The following TEAD3 variants were observed in gnomAD, a reference collection of about 807,000 sequenced individuals.
TEAD3 encodes TEA domain transcription factor 3.
A neutral mutation model predicts 55.6 loss-of-function variants in TEAD3; 15 were observed. That is an observed-to-expected ratio of 0.27 (90% CI 0.18 to 0.42). TEAD3 has a LOEUF of 0.42. TEAD3 is among the 10% of genes least tolerant of loss of function. The probability of loss-of-function intolerance (pLI) is 1.00; values close to 1 mark genes in which losing one functional copy is unlikely to be tolerated. For synonymous variants in TEAD3, 210 were observed against 232.2 expected (o/e 0.90, Z 0.87); for missense variants, 407 against 576.8 (o/e 0.71, Z 3.01).
rs1228751469 is a variant in TEAD3, at chr6:35,479,412, A to G, written c.331-96T>C. 2.0e-6 allele frequency: 3 copies of G among 1,499,696 alleles called. No individual in the cohort carries two copies. In the African/African-American group the frequency reaches 4.1e-5, roughly 21 times the overall value. The allele number at this position is 1,499,696 out of a possible 1,614,324, so 92.9% of individuals were successfully genotyped here. On this transcript the variant is annotated intron_variant, in intron 4 of 12. Coordinates refer to ENST00000639578, the Ensembl canonical transcript of TEAD3. Reference sequence around the variant, plus strand: ...TTGCGCCTACCTCCACCCAGTGCCCATGGGTTTTAGCTTCCGAGGAGCCCA... The same window carrying G: ...TTGCGCCTACCTCCACCCAGTGCCCGTGGGTTTTAGCTTCCGAGGAGCCCA...
At chr6:35,474,864 T>C, downstream of TEAD3, 1 of 580,402 alleles carries the variant, frequency 1.7e-6, no homozygotes, top group Non-Finnish European at 3.0e-6. Context: ...TCTCCCACAA[T>C]TAAAGCGCAG....
rs1417949408 is a variant in TEAD3 at position 35,491,879 on chromosome 6, G to A, written c.-50+5019C>T. On this transcript the variant is annotated intron_variant, in intron 1 of 12. Coordinates refer to ENST00000639578, the Ensembl canonical transcript of TEAD3. This position sits in a 1 kb window ranked among gnomAD's most constrained non-coding sequence, Gnocchi z 4.4. The stretch of plus-strand genomic sequence containing the variant: ...GAAGAACTGGCTGGACAGCTCCAGG[G>A]ATCAGGCTGGAGCTGGGGCCGCTGC... Among the ~76,000 whole-genome samples, 2 of 152,296 alleles carry A rather than the reference G, an allele frequency of 1.3e-5. No individual in the cohort carries two copies. The highest frequency in any genetic ancestry group is 2.1e-4 in the South Asian group (1 of 4,830).
intron 1 of TEAD3, among the ~76,000 whole-genome samples, chr6:35,489,919 G>A (rs1484295341): frequency 6.6e-6 from 1 of 151,996 alleles, no homozygotes; most frequent in Non-Finnish European, 1.5e-5. Flanking sequence ...AAAAATTAAG[G>A]GGACAGGGGT....
intron 8 of TEAD3, 148 bp from the exon 9 acceptor site, chr6:35,476,583 A>T: frequency 1.1e-6 from 1 of 927,668 alleles, no homozygotes; most frequent in Non-Finnish European, 1.6e-6. Flanking sequence ...ACAGTGTACA[A>T]CCTGCACAAC....
chr6:35,490,474 A>T (rs1367569684), intron 1 of TEAD3, among the ~76,000 whole-genome samples: 2 of 152,166 alleles, frequency 1.3e-5, no homozygotes, highest in East Asian at 3.9e-4. Flanking sequence ...GCACCAACAC[A>T]GGGGCAAGTG....
chr6:35,477,809 G>A (rs976629044), intron 7 of TEAD3, among the ~76,000 whole-genome samples: 4 of 151,906 alleles, frequency 2.6e-5, no homozygotes, highest in East Asian at 1.9e-4. Context: ...AACAGCCAGC[G>A]CATCAGCTGT....
chr6:35,493,046 CTCA>C (rs1366819028), intron 1 of TEAD3, among the ~76,000 whole-genome samples: 7 of 152,148 alleles, frequency 4.6e-5, no homozygotes, highest in Admixed American at 3.9e-4. Flanking sequence ...AGTCAGTGCC[CTCA>C]TGAGAGTCAC....
intron 3 of TEAD3, chr6:35,480,323 C>T (rs1768241234): frequency 1.2e-6 from 2 of 1,613,740 alleles, no homozygotes; most frequent in Non-Finnish European, 1.7e-6. Flanking sequence ...TTGATGCCAA[C>T]CTGGTACTCC....
At chr6:35,492,826 C>T (rs1768556387) in intron 1 of TEAD3, among the ~76,000 whole-genome samples, 1 of 152,118 alleles carries the variant, frequency 6.6e-6, no homozygotes, top group African/African-American at 2.4e-5. Flanking sequence ...CCCTCAAGTC[C>T]CCTGTAGAGA....
At chr6:35,477,719 G>GACTGCCTCAGAA (rs1768180254) in intron 7 of TEAD3, among the ~76,000 whole-genome samples, 1 of 150,586 alleles carries the variant, frequency 6.6e-6, no homozygotes, top group African/African-American at 2.4e-5. Context: ...TTAACTGAGA[G>GACTGCCTCAGAA]ACTGCCTCAG....
chr6:35,474,648 C>T (rs998943860), downstream of TEAD3: 3 of 199,074 alleles, frequency 1.5e-5, no homozygotes, highest in Non-Finnish European at 3.1e-5. Context: ...CCTCTGCTCA[C>T]TGACTCCCTT....
chr6:35,491,897 G>A lies in TEAD3; in HGVS notation c.-50+5001C>T, dbSNP rs1410617922. Among the ~76,000 whole-genome samples, 2 of 152,190 alleles carry A rather than the reference G, an allele frequency of 1.3e-5. No individual in the cohort carries two copies. Among genetic ancestry groups the A allele is most frequent in the Non-Finnish European group, 2.9e-5 (2 of 68,006 alleles). On this transcript the variant is annotated intron_variant, in intron 1 of 12. Transcript: ENST00000639578. The surrounding 1 kb of genome is among the most constrained non-coding windows in gnomAD (Gnocchi z 4.4). ...CTCCAGGGATCAGGCTGGAGCTGGG[G>A]CCGCTGCAGAGGCCCTGGTCCCCCA...
chr6:35,484,681 GA>G lies in TEAD3; in HGVS notation c.203-58del. ...GGGCAAAGGGTGGAGCCAGAGGCTG[GA>G]GGCCCCCACCCCACCGGGAAGCCAC... On this transcript the variant is annotated intron_variant, in intron 2 of 12. Coordinates refer to ENST00000639578, the Ensembl canonical transcript of TEAD3. This position sits in a 1 kb window ranked among gnomAD's most constrained non-coding sequence, Gnocchi z 5.8. 2.7e-6 allele frequency: 4 copies of G among 1,502,284 alleles called. No individual in the cohort carries two copies. The highest frequency in any genetic ancestry group is 3.6e-6 in the Non-Finnish European group (4 of 1,101,436). 93.1% of individuals were successfully genotyped at this position (1,502,284 alleles called of 1,614,324 possible). A position where few individuals can be genotyped will look rare whatever the true frequency, so the allele number is the denominator to read the frequency against.
At position 35,478,881 on chromosome 6, in the gene TEAD3, T is replaced by C. The variant is rs968568507; in HGVS notation, c.343-310A>G. Among the ~76,000 whole-genome samples, 18 of 147,014 alleles carry C rather than the reference T, an allele frequency of 1.2e-4. No individual in the cohort carries two copies. The East Asian group carries it at 2.6e-3, about 21-fold the overall frequency. On this transcript the variant is annotated intron_variant, in intron 5 of 12. Transcript: ENST00000639578. ...TGTCATGTACTCTCCTATTTTCTTT[T>C]TTTTTTTTTTTTTTTTGAGACGGAG... is the stretch of plus-strand genomic sequence containing the variant.
Position 35,486,814 on chromosome 6 carries a change from CCCA to C in TEAD3, c.-49-106_-49-104del. ...CTGGAGCTCCGCCCCCAGCCCCAAG[CCCA>C]CCCTAGGAGCAGGTGCTCCAGGTGG... On this transcript the variant is annotated intron_variant, in intron 1 of 12. Transcript: ENST00000639578. This position sits in a 1 kb window ranked among gnomAD's most constrained non-coding sequence, Gnocchi z 7.3. 2.5e-6 allele frequency: 2 copies of C among 786,818 alleles called. No homozygotes were observed. The highest frequency in any genetic ancestry group is 4.0e-6 in the Non-Finnish European group (2 of 504,752). The allele number at this position is 786,818 out of a possible 1,614,324, so 48.7% of individuals were successfully genotyped here. A position where few individuals can be genotyped will look rare whatever the true frequency, so the allele number is the denominator to read the frequency against.
intron 1 of TEAD3, among the ~76,000 whole-genome samples, chr6:35,487,425 A>G (rs1045083015): frequency 1.3e-5 from 2 of 151,964 alleles, no homozygotes; most frequent in African/African-American, 4.8e-5. Flanking sequence ...GGTGGCACGC[A>G]CTTGTAATCC....
In TEAD3 at chr6:35,496,377, C is replaced by T. The variant is rs1162963825; in HGVS notation, c.-50+521G>A. ...CGGCTTTGGTCCCAGACACCCTCCA[C>T]AACCCAGCGCAGCCGCGGCACCGCG... On this transcript the variant is annotated intron_variant, in intron 1 of 12. Transcript: ENST00000639578. The surrounding 1 kb of genome is among the most constrained non-coding windows in gnomAD (Gnocchi z 4.8). Among the ~76,000 whole-genome samples the T allele has an allele frequency of 5.3e-5, 8 of 152,082 alleles. No individual in the cohort carries two copies. The highest frequency in any genetic ancestry group is 1.2e-4 in the Non-Finnish European group (8 of 67,990).
chr6:35,493,891 C>G (rs1768586887), intron 1 of TEAD3, among the ~76,000 whole-genome samples: 1 of 152,242 alleles, frequency 6.6e-6, no homozygotes, highest in African/African-American at 2.4e-5. Flanking sequence ...GGCTAGGCAG[C>G]CAGCTTCCTT....
exon 10 of TEAD3, chr6:35,476,092 A>G (rs527880382): frequency 6.5e-7 from 1 of 1,538,476 alleles, no homozygotes; most frequent in East Asian, 2.3e-5. Flanking sequence ...TGTTTGCTGT[A>G]CTGTGGGGAG....
Sources: allele counts gnomAD v4.1 joint callset (sites outside exome capture counted in the v4.1 genomes callset), GRCh38; gene constraint gnomAD v4.1.1; non-coding constraint Gnocchi (gnomAD v3.1); transcripts MANE v1.5; gene names NCBI Gene and HGNC (gene_info 2026-07-23, HGNC 2026-07-21).